Variants in CSMD3 observed in about 807,000 individuals in gnomAD.
The protein encoded by CSMD3 is CUB and sushi domain-containing protein 3.
CSMD3 carries 177 observed loss-of-function variants against 435.2 expected under a neutral mutation model. That is an observed-to-expected ratio of 0.41 (90% CI 0.36 to 0.46). CSMD3 has a LOEUF of 0.46. Ranked by LOEUF, CSMD3 falls within the 20% of genes least tolerant of loss-of-function variation. CSMD3 has a pLI of 0.34. For missense variants in CSMD3, 4,265 were observed against 4,504.6 expected (o/e 0.95, Z 1.52); for synonymous variants, 1,656 against 1,520.5 (o/e 1.09, Z -2.07).
At chr8:113,273,469 C>T (rs1199149856) in intron 3 of CSMD3, among the ~76,000 whole-genome samples, 1 of 152,082 alleles carries the variant, frequency 6.6e-6, no homozygotes, top group African/African-American at 2.4e-5. Context: ...CCACACTAAG[C>T]AGCATGATAA....
chr8:112,985,037 T>TAGATAGATA (rs1172678224), intron 6 of CSMD3, among the ~76,000 whole-genome samples: 2 of 151,494 alleles, frequency 1.3e-5, no homozygotes. Flanking sequence ...GATAGATAGA[T>TAGATAGATA]AATCTTCACC....
rs1191062139 is a variant in CSMD3 at position 113,129,446 on chromosome 8, C to G, written c.710-30483G>C. ...AGGCCACTCAGGCTTTCCTACGGAACAGTATTAGTATGGAAAAGGAAATTT... is the reference window on the plus strand; with the variant it reads ...AGGCCACTCAGGCTTTCCTACGGAAGAGTATTAGTATGGAAAAGGAAATTT... On this transcript the variant is annotated intron_variant, in intron 4 of 70. Transcript: ENST00000297405. Among the ~76,000 whole-genome samples, 8 of 152,178 alleles carry G rather than the reference C, an allele frequency of 5.3e-5. No individual in the cohort carries two copies. The East Asian group carries it at 1.5e-3, about 29-fold the overall frequency.
chr8:112,487,841 T>C (rs933632454), intron 31 of CSMD3, among the ~76,000 whole-genome samples: 7 of 152,184 alleles, frequency 4.6e-5, no homozygotes, highest in Non-Finnish European at 7.3e-5. Context: ...TACCTAATAT[T>C]GAGTGAGATT....
chr8:112,446,676 T>A (rs1805234387), intron 32 of CSMD3, among the ~76,000 whole-genome samples: 1 of 152,240 alleles, frequency 6.6e-6, no homozygotes, highest in African/African-American at 2.4e-5. Flanking sequence ...GTCTTTTCAA[T>A]ATGTTCATAT....
intron 3 of CSMD3, among the ~76,000 whole-genome samples, chr8:113,189,206 T>C (rs1564407326): frequency 6.6e-6 from 1 of 151,864 alleles, no homozygotes; most frequent in African/African-American, 2.4e-5. Context: ...CTAGTTTTGT[T>C]ACTGGTTGTA....
At chr8:112,602,248 C>A (rs1055279827) in intron 22 of CSMD3, among the ~76,000 whole-genome samples, 1 of 152,012 alleles carries the variant, frequency 6.6e-6, no homozygotes, top group South Asian at 2.1e-4. Context: ...ACATAATCAG[C>A]ACTTGAACAA....
intron 32 of CSMD3, among the ~76,000 whole-genome samples, chr8:112,418,889 T>C (rs1812186764): frequency 6.6e-6 from 1 of 152,308 alleles, no homozygotes; most frequent in African/African-American, 2.4e-5. Flanking sequence ...CGGTCACAAA[T>C]ATTATTTAAA....
intron 1 of CSMD3, among the ~76,000 whole-genome samples, chr8:113,340,586 G>A (rs1156789710): frequency 6.6e-6 from 1 of 151,944 alleles, no homozygotes; most frequent in South Asian, 2.1e-4. Context: ...TGATGAAAGG[G>A]TTTGTTTGCC....
intron 45 of CSMD3, among the ~76,000 whole-genome samples, chr8:112,329,113 T>C (rs1390906752): frequency 6.6e-6 from 1 of 152,176 alleles, no homozygotes; most frequent in Non-Finnish European, 1.5e-5. Context: ...ATTTAAGGTA[T>C]GCTGCCTTAG....
At chr8:112,448,545 C>A (rs1421155097) in intron 32 of CSMD3, among the ~76,000 whole-genome samples, 5 of 152,106 alleles carry the variant, frequency 3.3e-5, no homozygotes, top group Admixed American at 3.3e-4. Flanking sequence ...AGCCAGCAAG[C>A]ACCAGAAACT....
intron 50 of CSMD3, chr8:112,310,526 A>G (rs1821876376): frequency 8.7e-6 from 2 of 228,920 alleles, no homozygotes; most frequent in Admixed American, 5.1e-5. Context: ...GAAAAAAAAT[A>G]TCCAGGTGGT....
intron 4 of CSMD3, among the ~76,000 whole-genome samples, chr8:113,134,047 T>C (rs889762259): frequency 6.6e-5 from 10 of 152,094 alleles, no homozygotes; most frequent in Admixed American, 1.3e-4. Context: ...TTTTATATTA[T>C]ATGTTTTGTT....
chr8:113,101,427 T>C (rs1234151735), intron 4 of CSMD3, among the ~76,000 whole-genome samples: 1 of 152,076 alleles, frequency 6.6e-6, no homozygotes, highest in Non-Finnish European at 1.5e-5. Flanking sequence ...TCCTTTGGGT[T>C]CACAATAGAC....
intron 67 of CSMD3, 46 bp downstream of exon 67, chr8:112,237,144 A>G: frequency 6.3e-7 from 1 of 1,583,128 alleles, no homozygotes; most frequent in Non-Finnish European, 8.7e-7. Flanking sequence ...TCATAATAGA[A>G]ATAAAGTCAT....
chr8:112,961,836 G>A lies in CSMD3; in HGVS notation c.1343-7075C>T, dbSNP rs571636477. On this transcript the variant is annotated intron_variant, in intron 7 of 70. Coordinates refer to ENST00000297405, the MANE Select transcript of CSMD3 (RefSeq NM_198123.2). ...AAATTCAGGAAACCATAGCACTTAC[G>A]CAGATAACAGCAGATGCACCTGCAA... Among the ~76,000 whole-genome samples, 14 of 151,942 alleles carry A rather than the reference G, an allele frequency of 9.2e-5. No homozygotes were observed. The East Asian group carries it at 2.5e-3, about 27-fold the overall frequency.
At chr8:112,383,481 C>A (rs967669984) in intron 37 of CSMD3, 86 bp downstream of exon 37, 1 of 758,472 alleles carries the variant, frequency 1.3e-6, no homozygotes, top group Non-Finnish European at 2.3e-6. Context: ...TTAAAACTAC[C>A]AAGTAAGAGT....
rs1295477273 is a variant in CSMD3, at chr8:113,377,034, T to TG, written c.178+59642dup. ...TCTAGGGAGTGGGGTGGGGTGGGGG[T>TG]GGGGCGGAGCGGAGCGGGGCGCGGG... On this transcript the variant is annotated intron_variant, in intron 1 of 70. Transcript: ENST00000297405. The TG allele has an allele frequency of 4.4e-4, 47 of 106,008 alleles. No individual in the cohort carries two copies. In the South Asian group the frequency reaches 8.4e-3, roughly 19 times the overall value. 6.6% of individuals were successfully genotyped at this position (106,008 alleles called of 1,614,324 possible). A position where few individuals can be genotyped will look rare whatever the true frequency, so the allele number is the denominator to read the frequency against.
chr8:112,569,868 C>A (rs1320240618), intron 24 of CSMD3, among the ~76,000 whole-genome samples: 2 of 152,170 alleles, frequency 1.3e-5, no homozygotes, highest in African/African-American at 2.4e-5. Context: ...ACCAACCTGA[C>A]CTTTAATACG....
At chr8:113,115,402 C>T (rs555182730) in intron 4 of CSMD3, among the ~76,000 whole-genome samples, 1 of 152,188 alleles carries the variant, frequency 6.6e-6, no homozygotes, top group Non-Finnish European at 1.5e-5. Context: ...ACACCCAAAT[C>T]AAGAAGAGAA....
Sources: gnomAD v4.1 joint callset for allele counts (sites outside exome capture counted in the v4.1 genomes callset) on GRCh38, gnomAD v4.1.1 for gene constraint, MANE v1.5 for transcripts, NCBI Gene and HGNC (gene_info 2026-07-23, HGNC 2026-07-21) for gene names.